TRIM66: variants seen among roughly 807,000 people sequenced by gnomAD.
The protein encoded by TRIM66 is tripartite motif containing 66.
A neutral mutation model predicts 148.2 loss-of-function variants in TRIM66; 99 were observed. That is an observed-to-expected ratio of 0.67 (90% CI 0.57 to 0.79). The LOEUF (loss-of-function observed/expected upper bound fraction) is 0.79, where lower values mean the gene tolerates loss of function less well. Among genes scored for constraint, TRIM66 ranks in the 30% least tolerant of loss-of-function variants. The pLI is 0.00. For synonymous variants in TRIM66, 616 were observed against 635.9 expected (o/e 0.97, Z 0.47); for missense variants, 1,666 against 1,697.9 (o/e 0.98, Z 0.33).
chr11:8,636,611 C>G (rs769405967), intron 15 of TRIM66, among the ~76,000 whole-genome samples: 2 of 152,030 alleles, frequency 1.3e-5, no homozygotes, highest in Admixed American at 6.6e-5. Context: ...TCTGCCTTAC[C>G]TATCATCAAT....
intron 15 of TRIM66, among the ~76,000 whole-genome samples, chr11:8,634,316 C>A (rs1297988985): frequency 1.3e-5 from 2 of 152,206 alleles, no homozygotes; most frequent in Non-Finnish European, 2.9e-5. Flanking sequence ...CAGGCATGCA[C>A]CACCACGCCT....
intron 15 of TRIM66, among the ~76,000 whole-genome samples, chr11:8,632,213 C>G (rs2035468142): frequency 6.6e-6 from 1 of 151,750 alleles, no homozygotes; most frequent in South Asian, 2.1e-4. Flanking sequence ...GAGGCTGAGG[C>G]AGGAGAATTG....
intron 12 of TRIM66, 68 bp downstream of exon 12, chr11:8,645,673 C>T (rs906489241): frequency 6.5e-6 from 10 of 1,534,068 alleles, no homozygotes; most frequent in Non-Finnish European, 7.9e-6. Flanking sequence ...GCCTCATTGC[C>T]CCTCTGACAA....
intron 24 of TRIM66, 65 bp from the exon 25 acceptor site, chr11:8,618,068 C>T: frequency 6.8e-7 from 1 of 1,468,742 alleles, no homozygotes. Context: ...CATGAAAAGG[C>T]TATGTCAAGA....
chr11:8,643,625 AG>A (rs1248976479), intron 12 of TRIM66, among the ~76,000 whole-genome samples: 1 of 152,112 alleles, frequency 6.6e-6, no homozygotes, highest in Non-Finnish European at 1.5e-5. Flanking sequence ...TACAGGCGTG[AG>A]CCACCGCACC....
chr11:8,645,195 C>T (rs576284238), intron 12 of TRIM66, among the ~76,000 whole-genome samples: 68 of 152,318 alleles, frequency 4.5e-4, no homozygotes, highest in African/African-American at 1.5e-3. Flanking sequence ...TATATTAAAA[C>T]GGCTTTTTAA....
intron 3 of TRIM66, among the ~76,000 whole-genome samples, chr11:8,677,580 A>G (rs2039235471): frequency 6.6e-6 from 1 of 152,030 alleles, no homozygotes; most frequent in African/African-American, 2.4e-5. Context: ...GCAGTTTGAG[A>G]CCAGCCTGGG....
intron 6 of TRIM66, among the ~76,000 whole-genome samples, chr11:8,668,303 T>C (rs2038723833): frequency 6.6e-6 from 1 of 152,098 alleles, no homozygotes; most frequent in Admixed American, 6.6e-5. Flanking sequence ...GTTCTTTATA[T>C]ATTCTAGATA....
At chr11:8,666,111 C>A (rs887787989) in intron 6 of TRIM66, among the ~76,000 whole-genome samples, 1 of 151,712 alleles carries the variant, frequency 6.6e-6, no homozygotes. Context: ...CCGAGGTGGG[C>A]AGATCACCAG....
Position 8,645,877 on chromosome 11 carries a change from T to C in TRIM66, c.968A>G (p.Asn323Ser), listed in dbSNP as rs2036801717. 1 of 1,551,630 alleles carries C rather than the reference T, an allele frequency of 6.4e-7. No individual in the cohort carries two copies. Among genetic ancestry groups the C allele is most frequent in the South Asian group, 1.2e-5 (1 of 84,058 alleles). Residue 323 changes from asparagine (N) to serine (S), a missense_variant, in exon 12 of 25, where the codon AAT becomes AGT. Physicochemically the swap from Asn to Ser is conservative, Grantham distance 46. Transcript: ENST00000646038. Reference protein sequence around the residue: ...GLIEELEGITNERKRKLEQQL... With the variant: ...GLIEELEGITSERKRKLEQQL... ...CTGTTCCAGCTTCCGCTTTCTCTCA[T>C]TAGTAATCCCCTGGGTACAGAGAGA...
At chr11:8,674,670 G>A (rs1427186995) in intron 4 of TRIM66, 136 bp downstream of exon 4, 2 of 151,906 alleles carry the variant, frequency 1.3e-5, no homozygotes, top group African/African-American at 2.4e-5. Flanking sequence ...ATAGGCGTGA[G>A]CCACTGCACC....
chr11:8,649,549 C>CATCA (rs1280375362), intron 8 of TRIM66, among the ~76,000 whole-genome samples, 191 bp downstream of exon 8: 2 of 152,182 alleles, frequency 1.3e-5, no homozygotes, highest in African/African-American at 4.8e-5. Context: ...CCACCCCCAC[C>CATCA]ATCAACAGGG....
intron 18 of TRIM66, among the ~76,000 whole-genome samples, chr11:8,622,290 T>C (rs1278022830): frequency 1.4e-5 from 2 of 140,168 alleles, no homozygotes; most frequent in African/African-American, 5.8e-5. Context: ...CATATATATA[T>C]GTATATATAT....
chr11:8,618,823 G>A lies in TRIM66; in HGVS notation c.4046C>T (p.Ser1349Phe), dbSNP rs562144324. 3 of 1,551,350 alleles carry A rather than the reference G, an allele frequency of 1.9e-6. No homozygotes were observed. The highest frequency in any genetic ancestry group is 2.4e-5 in the South Asian group (2 of 84,046). The change falls in exon 24 of 25, where the codon TCC (serine) becomes TTC (phenylalanine). Residue 1349 changes from serine (S) to phenylalanine (F), a missense_variant. Coordinates refer to ENST00000646038, the MANE Select transcript of TRIM66 (RefSeq NM_001388022.1). ...AGGCCACGGGAAGCCCTGGGGAGTG[G>A]AACATCCACTCTCACTAGACACCTC... ...SEEVSSESGC[S>F]TPQGFPWPPY...
intron 15 of TRIM66, among the ~76,000 whole-genome samples, chr11:8,635,910 G>A (rs942151671): frequency 1.3e-5 from 2 of 152,150 alleles, no homozygotes; most frequent in African/African-American, 4.8e-5. Flanking sequence ...CTCATCAAAT[G>A]AGAAGCAGCA....
In TRIM66 at chr11:8,641,084, A is replaced by T; in HGVS notation, c.1291T>A (p.Ser431Thr). 1.9e-6 allele frequency: 3 copies of T among 1,551,448 alleles called. No homozygotes were observed. The highest frequency in any genetic ancestry group is 2.4e-5 in the East Asian group (1 of 40,912). ...TGGTGGCTTTGATAAAAGGGTGATG[A>T]CCCCTGTAAGCCTCCATAAGCAGGA... ...DAPAYGGLQG[S>T]SPFYQSHQSP... Residue 431 changes from serine to threonine, a missense_variant, in exon 14 of 25, where the codon TCA becomes ACA. Transcript: ENST00000646038.
rs889346161 is a variant in TRIM66 at position 8,671,935 on chromosome 11, A to G, written c.191T>C (p.Met64Thr). The G allele has an allele frequency of 1.0e-5, 16 of 1,536,020 alleles. No homozygotes were observed. The African/African-American group carries it at 1.2e-4, about 12-fold the overall frequency. ...HCPKSGQMEA[M>T]VMTCSLCHQD... Reference sequence around the variant, plus strand: ...ATGGCACAATGAGCAGGTCATTACCATGGCCTCCATCTGTCCACTCTTAGG... The same window carrying G: ...ATGGCACAATGAGCAGGTCATTACCGTGGCCTCCATCTGTCCACTCTTAGG... Residue 64 changes from methionine to threonine, a missense_variant, in exon 6 of 25, where the codon ATG (methionine) becomes ACG (threonine). By Grantham distance (81) the Met-to-Thr change is moderately conservative (BLOSUM62 -1). This residue lies in a region of TRIM66 where 1,431 missense variants were observed against 1,412.4 expected (regional missense o/e 1.01). Transcript: ENST00000646038.
At chr11:8,663,682 C>T (rs1217330170) in intron 6 of TRIM66, among the ~76,000 whole-genome samples, 2 of 152,090 alleles carry the variant, frequency 1.3e-5, no homozygotes, top group Non-Finnish European at 2.9e-5. Context: ...CATACCTGCA[C>T]TCCCATGTTC....
rs900935082 is a variant in TRIM66, at chr11:8,624,293, T to C, written c.3019+66A>G. 5 of 1,508,036 alleles carry C rather than the reference T, an allele frequency of 3.3e-6. No individual in the cohort carries two copies. The African/African-American group carries it at 5.7e-5, about 17-fold the overall frequency. 93.4% of individuals were successfully genotyped at this position (1,508,036 alleles called of 1,614,324 possible). The stretch of plus-strand genomic sequence containing the variant: ...AGCTTGTCTGCTGGCCTCTCTTACC[T>C]AGAAGTGCTGAGTCCATCTGCTCAA... On this transcript the variant is annotated intron_variant, in intron 17 of 24. Transcript: ENST00000646038.
Sources: allele counts gnomAD v4.1 joint callset (sites outside exome capture counted in the v4.1 genomes callset), GRCh38; gene constraint gnomAD v4.1.1; regional missense constraint gnomAD v4.1.1; transcripts MANE v1.5; gene names NCBI Gene and HGNC (gene_info 2026-07-23, HGNC 2026-07-21).